The following ANO6 variants were observed in gnomAD, a reference collection of about 807,000 sequenced individuals.
ANO6 encodes the protein anoctamin 6, also known as anoctamin-6.
Under a neutral mutation model 117.5 loss-of-function variants are expected in ANO6, and 106 were observed. The ratio of observed to expected loss-of-function variants is 0.90; its 90% CI spans 0.77 to 1.06. The LOEUF is 1.06. Ranked by LOEUF, ANO6 falls within the 50% of genes least tolerant of loss-of-function variation. The probability of loss-of-function intolerance (pLI) is 0.00; values close to 1 mark genes in which losing one functional copy is unlikely to be tolerated. For synonymous variants in ANO6, 367 were observed against 385.1 expected (o/e 0.95, Z 0.55); for missense variants, 955 against 1,121.1 (o/e 0.85, Z 2.12).
chr12:45,414,449 T>A (rs964443174), intron 16 of ANO6, among the ~76,000 whole-genome samples: 29 of 152,124 alleles, frequency 1.9e-4, no homozygotes, highest in African/African-American at 6.8e-4. Flanking sequence ...GATGGCCCCA[T>A]ACCAATTTTT....
intron 1 of ANO6, among the ~76,000 whole-genome samples, chr12:45,230,249 T>C (rs1947554530): frequency 6.6e-6 from 1 of 152,048 alleles, no homozygotes; most frequent in Non-Finnish European, 1.5e-5. Flanking sequence ...TTGTTAAATC[T>C]ATGGGTAAAT....
chr12:45,391,077 C>A (rs976205171), intron 12 of ANO6, among the ~76,000 whole-genome samples: 1 of 151,888 alleles, frequency 6.6e-6, no homozygotes, highest in Admixed American at 6.6e-5. Flanking sequence ...GTGAAAATCA[C>A]ACCACTGCAC....
intron 1 of ANO6, among the ~76,000 whole-genome samples, chr12:45,279,442 A>G (rs1425345989): frequency 6.6e-6 from 1 of 152,108 alleles, no homozygotes; most frequent in Non-Finnish European, 1.5e-5. Flanking sequence ...GTAGTACTTG[A>G]GGAGGGGGCA....
intron 2 of ANO6, among the ~76,000 whole-genome samples, chr12:45,304,432 A>G (rs1939597935): frequency 6.6e-6 from 1 of 152,224 alleles, no homozygotes; most frequent in East Asian, 1.9e-4. Flanking sequence ...AAGAACCCAA[A>G]GGCAAAGCAA....
chr12:45,424,810 C>G (rs1315628789), intron 19 of ANO6, among the ~76,000 whole-genome samples: 1 of 152,030 alleles, frequency 6.6e-6, no homozygotes, highest in Non-Finnish European at 1.5e-5. Context: ...AAGCCAGAGA[C>G]CCAAAACAGG....
chr12:45,228,290 CCTT>C, intron 1 of ANO6: 1 of 253,524 alleles, frequency 3.9e-6, no homozygotes. Context: ...ACCAGGCCCT[CCTT>C]TTTTTTTTTT....
intron 9 of ANO6, among the ~76,000 whole-genome samples, chr12:45,373,571 T>G (rs1941911386): frequency 6.6e-6 from 1 of 152,032 alleles, no homozygotes; most frequent in African/African-American, 2.4e-5. Flanking sequence ...TCAAAACCGC[T>G]CAACTACATG....
At chr12:45,235,590 G>A (rs563429703) in intron 1 of ANO6, among the ~76,000 whole-genome samples, 2 of 152,314 alleles carry the variant, frequency 1.3e-5, no homozygotes, top group South Asian at 4.1e-4. Context: ...GAACTAGCAA[G>A]GAGGCTTGGT....
Position 45,279,379 on chromosome 12 carries a change from G to A in ANO6, c.71-22635G>A, listed in dbSNP as rs114035818. 6.7e-3 allele frequency among the ~76,000 whole-genome samples: 1,024 copies of A among 152,268 alleles called. 7 individuals are homozygous for A. Among genetic ancestry groups the A allele is most frequent in the African/African-American group, 0.021 (887 of 41,556 alleles). On this transcript the variant is annotated intron_variant, in intron 1 of 19. Coordinates refer to ENST00000320560, the MANE Select transcript of ANO6 (RefSeq NM_001025356.3). ...GCCTAACACAATGTCTCCCCAAATT[G>A]TGTTACTGTCTCTCCTCCTCTATTT...
At chr12:45,330,814 A>G (rs1940636432) in intron 2 of ANO6, among the ~76,000 whole-genome samples, 2 of 152,110 alleles carry the variant, frequency 1.3e-5, no homozygotes, top group Admixed American at 6.6e-5. Context: ...GATACCTTCT[A>G]TAAAGCGGTG....
chr12:45,406,997 C>T (rs1214880991), intron 15 of ANO6, among the ~76,000 whole-genome samples: 1 of 152,088 alleles, frequency 6.6e-6, no homozygotes, highest in Admixed American at 6.6e-5. Context: ...TTTTGTAACC[C>T]CTGCTTCTAG....
At chr12:45,395,870 C>A (rs1942597165) in intron 12 of ANO6, among the ~76,000 whole-genome samples, 1 of 152,140 alleles carries the variant, frequency 6.6e-6, no homozygotes, top group Admixed American at 6.6e-5. Context: ...TTATGACAAA[C>A]CCACAGCCAA....
intron 1 of ANO6, among the ~76,000 whole-genome samples, chr12:45,250,325 T>C (rs1384840745): frequency 6.6e-6 from 1 of 152,202 alleles, no homozygotes; most frequent in Non-Finnish European, 1.5e-5. Context: ...TAGTAATTCT[T>C]TCCCAATTTC....
chr12:45,416,966 G>A (rs1943230186), intron 17 of ANO6, 62 bp downstream of exon 17: 3 of 1,523,266 alleles, frequency 2.0e-6, no homozygotes, highest in Non-Finnish European at 2.7e-6. Context: ...TGCTACCTAA[G>A]GAATCAAATG....
chr12:45,440,062 C>T, exon 20 of ANO6: 3 of 1,005,410 alleles, frequency 3.0e-6, no homozygotes, highest in Non-Finnish European at 3.9e-6. Flanking sequence ...CATTTAAGAC[C>T]ATTAATTTTC....
chr12:45,278,239 G>C (rs779109249), intron 1 of ANO6, among the ~76,000 whole-genome samples: 1 of 152,144 alleles, frequency 6.6e-6, no homozygotes, highest in Non-Finnish European at 1.5e-5. Flanking sequence ...TTACAGGTGT[G>C]AGCCACCGTG....
At chr12:45,314,187 A>G (rs1939939594) in intron 2 of ANO6, among the ~76,000 whole-genome samples, 1 of 152,042 alleles carries the variant, frequency 6.6e-6, no homozygotes, top group Non-Finnish European at 1.5e-5. Flanking sequence ...AGAATTACCT[A>G]GAGTGTGCTT....
chr12:45,430,570 A>T lies in ANO6; in HGVS notation c.*1259A>T, dbSNP rs1260807553. On this transcript the variant is annotated 3_prime_UTR_variant, in exon 20 of 20. Transcript: ENST00000320560. ...AGACAGGAGTATACCCAGCTTATTC[A>T]TAATCAAGTAAAGAGACTCAGATTA... 1.0e-6 allele frequency: 1 copy of T among 985,326 alleles called. No homozygotes were observed. The highest frequency in any genetic ancestry group is 1.2e-6 in the Non-Finnish European group (1 of 829,944). The allele number at this position is 985,326 out of a possible 1,614,324, so 61.0% of individuals were successfully genotyped here.
intron 2 of ANO6, among the ~76,000 whole-genome samples, chr12:45,312,023 C>A (rs949318327): frequency 1.3e-5 from 2 of 152,110 alleles, no homozygotes; most frequent in South Asian, 4.1e-4. Context: ...TGGTTTTATT[C>A]CACTATTTCC....
Sources: allele counts gnomAD v4.1 joint callset (sites outside exome capture counted in the v4.1 genomes callset), GRCh38; gene constraint gnomAD v4.1.1; transcripts MANE v1.5; gene names NCBI Gene and HGNC (gene_info 2026-07-23, HGNC 2026-07-21).